The following CNTNAP2 variants were observed in gnomAD, a reference collection of about 807,000 sequenced individuals.
CNTNAP2 encodes the protein contactin associated protein 2, also known as contactin-associated protein-like 2.
A neutral mutation model predicts 155.2 loss-of-function variants in CNTNAP2; 98 were observed. That is an observed-to-expected ratio of 0.63 (90% CI 0.54 to 0.75). The LOEUF (loss-of-function observed/expected upper bound fraction) is 0.75, where lower values mean the gene tolerates loss of function less well. CNTNAP2 is among the 30% of genes least tolerant of loss of function. The pLI is 0.00. For synonymous variants in CNTNAP2, 651 were observed against 631.2 expected (o/e 1.03, Z -0.47); for missense variants, 1,727 against 1,688.1 (o/e 1.02, Z -0.40).
Position 147,919,459 on chromosome 7 carries a change from C to CTTTCTTTTTTTTTT in CNTNAP2, c.2255+15741_2255+15742insCTTTTTTTTTTTTT, listed in dbSNP as rs58537091. On this transcript the variant is annotated intron_variant, in intron 14 of 23. Transcript: ENST00000361727. The stretch of plus-strand genomic sequence containing the variant: ...CACCATGTCTGGCTACTTTTTCTTT[C>CTTTCTTTTTTTTTT]TTTTTTTTTTTTTTTTTGAGACAGA... Among the ~76,000 whole-genome samples the CTTTCTTTTTTTTTT allele has an allele frequency of 6.2e-4, 32 of 51,226 alleles. 8 individuals are homozygous for CTTTCTTTTTTTTTT. The East Asian group carries it at 7.2e-3, about 11-fold the overall frequency. The allele number at this position is 51,226 out of a possible 152,430, so 33.6% of individuals were successfully genotyped here.
chr7:146,944,893 AAGAAAAAG>A lies in CNTNAP2; in HGVS notation c.403-99012_403-99005del, dbSNP rs532105375. On this transcript the variant is annotated intron_variant, in intron 3 of 23. Transcript: ENST00000361727. Reference sequence around the variant, plus strand: ...ACTCCGTCTAAAAAAAAAAAAGAAAAAGAAAAAGAAAAATCGTAAGGCTATGCATAGCA... The same window carrying A: ...ACTCCGTCTAAAAAAAAAAAAGAAAAAAAAATCGTAAGGCTATGCATAGCA... 3.8e-3 allele frequency among the ~76,000 whole-genome samples: 584 copies of A among 152,100 alleles called. 6 individuals carry two copies. Among genetic ancestry groups the A allele is most frequent in the African/African-American group, 0.013 (536 of 41,500 alleles).
chr7:147,326,476 T>C (rs1795460974), intron 9 of CNTNAP2, among the ~76,000 whole-genome samples: 1 of 152,242 alleles, frequency 6.6e-6, no homozygotes, highest in Non-Finnish European at 1.5e-5. Flanking sequence ...GCTGTTTCAC[T>C]ATTGTGAATG....
chr7:147,685,304 G>GA (rs1345817672), intron 13 of CNTNAP2, among the ~76,000 whole-genome samples: 1 of 151,940 alleles, frequency 6.6e-6, no homozygotes, highest in African/African-American at 2.4e-5. Flanking sequence ...AAACCTTGCT[G>GA]AAAAATCATT....
rs911345498 is a variant in CNTNAP2 at position 147,312,625 on chromosome 7, T to C, written c.1498+12335T>C. ...TTTATGGCTGCATAGTATTCCATGG[T>C]GTATATGTGCCACATTTTCTTAATC... is the stretch of plus-strand genomic sequence containing the variant. On this transcript the variant is annotated intron_variant, in intron 9 of 23. Transcript: ENST00000361727. 2.7e-5 allele frequency among the ~76,000 whole-genome samples: 3 copies of C among 110,532 alleles called. No individual in the cohort carries two copies. In the Admixed American group the frequency reaches 2.8e-4, roughly 10 times the overall value. 72.5% of individuals were successfully genotyped at this position (110,532 alleles called of 152,430 possible). A position where few individuals can be genotyped will look rare whatever the true frequency, so the allele number is the denominator to read the frequency against.
rs1453746657 is a variant in CNTNAP2 at position 146,941,807 on chromosome 7, A to G, written c.402+101903A>G. Among the ~76,000 whole-genome samples, 4 of 151,438 alleles carry G rather than the reference A, an allele frequency of 2.6e-5. 1 individual carries two copies. The highest frequency in any genetic ancestry group is 5.9e-5 in the Non-Finnish European group (4 of 67,854). On this transcript the variant is annotated intron_variant, in intron 3 of 23. Transcript: ENST00000361727. ...TTTTTTTTTCTTCAGCATGTTGGAT[A>G]TATTATCCAAATCTTTTCTGGACTG...
chr7:146,476,356 A>G (rs1796877180), intron 1 of CNTNAP2, among the ~76,000 whole-genome samples: 1 of 152,180 alleles, frequency 6.6e-6, no homozygotes, highest in Non-Finnish European at 1.5e-5. Context: ...AAAATTATAC[A>G]CTTGTTTATC....
intron 1 of CNTNAP2, among the ~76,000 whole-genome samples, chr7:146,514,884 T>A (rs973967389): frequency 3.4e-4 from 51 of 152,120 alleles, no homozygotes; most frequent in Admixed American, 2.7e-3. Flanking sequence ...ATAGTTTACT[T>A]GTTGAATTCT....
chr7:146,151,644 AT>A (rs776486134), intron 1 of CNTNAP2, among the ~76,000 whole-genome samples: 32,360 of 67,740 alleles, frequency 0.48, 6,304 homozygotes, highest in Middle Eastern at 0.54. Context: ...TGATATATAT[AT>A]ATATATATAT....
chr7:147,732,234 G>C (rs939508799), intron 13 of CNTNAP2, among the ~76,000 whole-genome samples: 5 of 124,800 alleles, frequency 4.0e-5, no homozygotes, highest in African/African-American at 1.2e-4. Context: ...TCCCCTTCCT[G>C]TGTCCAAGTG....
At chr7:146,198,919 C>G (rs1798816734) in intron 1 of CNTNAP2, among the ~76,000 whole-genome samples, 1 of 152,036 alleles carries the variant, frequency 6.6e-6, no homozygotes. Flanking sequence ...TCTATTCTTT[C>G]AAGAATTATC....
intron 15 of CNTNAP2, among the ~76,000 whole-genome samples, chr7:147,990,036 T>A (rs1394583125): frequency 1.5e-5 from 2 of 134,576 alleles, no homozygotes; most frequent in Non-Finnish European, 3.1e-5. Context: ...GCCACTCACA[T>A]TTCTGACCAA....
In CNTNAP2 at chr7:147,748,330, GT is replaced by G. The variant is rs529618851; in HGVS notation, c.2098+109033del. Among the ~76,000 whole-genome samples, 22 of 150,312 alleles carry G rather than the reference GT, an allele frequency of 1.5e-4. No individual in the cohort carries two copies. In the South Asian group the frequency reaches 1.9e-3, roughly 13 times the overall value. On this transcript the variant is annotated intron_variant, in intron 13 of 23. Transcript: ENST00000361727. ...TACTTACTGAACATGAGTTAAAATT[GT>G]TTTTTTTTCTGATCATGCACATTAA... is the stretch of plus-strand genomic sequence containing the variant.
At chr7:147,480,527 A>T (rs1198307654) in intron 10 of CNTNAP2, among the ~76,000 whole-genome samples, 4 of 152,216 alleles carry the variant, frequency 2.6e-5, no homozygotes, top group African/African-American at 9.6e-5. Context: ...ACTTTCTATG[A>T]ATTATATGAA....
intron 8 of CNTNAP2, among the ~76,000 whole-genome samples, chr7:147,145,757 T>C (rs1801689366): frequency 6.6e-6 from 1 of 152,218 alleles, no homozygotes; most frequent in East Asian, 1.9e-4. Context: ...TCCAGACTCC[T>C]TTCTTTGATT....
chr7:146,981,215 G>A (rs1648196282), intron 3 of CNTNAP2, among the ~76,000 whole-genome samples: 1 of 152,030 alleles, frequency 6.6e-6, no homozygotes. Context: ...AGGACTACAT[G>A]GTAATTTGTG....
intron 21 of CNTNAP2, among the ~76,000 whole-genome samples, chr7:148,300,949 T>C (rs1457733475): frequency 6.6e-6 from 1 of 152,080 alleles, no homozygotes; most frequent in East Asian, 1.9e-4. Flanking sequence ...GTGGTGGTGA[T>C]GGTGCACAAC....
intron 1 of CNTNAP2, among the ~76,000 whole-genome samples, chr7:146,761,851 G>T (rs370322971): frequency 1.3e-5 from 2 of 151,924 alleles, no homozygotes; most frequent in African/African-American, 4.8e-5. Flanking sequence ...TAGGTCCTCC[G>T]TGTTATTGAA....
intron 1 of CNTNAP2, among the ~76,000 whole-genome samples, chr7:146,697,247 A>T (rs11533983): frequency 0.72 from 101,208 of 140,688 alleles, 36,955 homozygotes; most frequent in South Asian, 0.88. Context: ...TTATTTATTT[A>T]TTTATTTTGA....
intron 4 of CNTNAP2, among the ~76,000 whole-genome samples, chr7:147,093,292 A>G (rs867134997): frequency 8.8e-4 from 133 of 151,734 alleles, no homozygotes; most frequent in Admixed American, 3.7e-3. Flanking sequence ...GTCAGATGAT[A>G]CAATGCAGCA....
Sources: allele counts gnomAD v4.1 joint callset (sites outside exome capture counted in the v4.1 genomes callset), GRCh38; gene constraint gnomAD v4.1.1; transcripts MANE v1.5; gene names NCBI Gene and HGNC (gene_info 2026-07-23, HGNC 2026-07-21).